TCAIM: variants seen among roughly 807,000 people sequenced by gnomAD.
TCAIM encodes the protein T-cell activation inhibitor, mitochondrial.
In TCAIM, 36 loss-of-function variants were observed where a neutral mutation model predicts 58.6. That is an observed-to-expected ratio of 0.61 (90% CI 0.47 to 0.81). TCAIM has a LOEUF of 0.81. TCAIM is among the 30% of genes least tolerant of loss of function. The probability of loss-of-function intolerance (pLI) is 0.00; values close to 1 mark genes in which losing one functional copy is unlikely to be tolerated. For synonymous variants in TCAIM, 172 were observed against 193.6 expected, an observed-to-expected ratio of 0.89 and a Z score of 0.93; for missense variants, 466 against 579.6, an observed-to-expected ratio of 0.80 and a Z score of 2.01.
At chr3:44,341,408 T>C (rs768653014) in intron 1 of TCAIM, 1 of 152,168 alleles carries the variant, frequency 6.6e-6, no homozygotes, top group Non-Finnish European at 1.5e-5. Flanking sequence ...TGTCTTCAAA[T>C]GGTAAAAGTA....
chr3:44,357,129 G>T (rs7429879), intron 2 of TCAIM, among the ~76,000 whole-genome samples: 1 of 151,938 alleles, frequency 6.6e-6, no homozygotes, highest in African/African-American at 2.4e-5. Flanking sequence ...ATTGAGCCAG[G>T]CATGGTGGCT....
At chr3:44,369,289 T>A (rs1023172751) in intron 5 of TCAIM, among the ~76,000 whole-genome samples, 2 of 152,238 alleles carry the variant, frequency 1.3e-5, no homozygotes, top group East Asian at 3.9e-4. Flanking sequence ...TGTGTCTAGA[T>A]GAACAAAAAG....
chr3:44,384,758 C>A (rs1701708561), intron 5 of TCAIM, among the ~76,000 whole-genome samples: 1 of 152,216 alleles, frequency 6.6e-6, no homozygotes, highest in African/African-American at 2.4e-5. Flanking sequence ...CTTTCTACCA[C>A]CAGTTTCTCT....
At chr3:44,390,182 T>G (rs1701812020) in intron 5 of TCAIM, among the ~76,000 whole-genome samples, 1 of 152,234 alleles carries the variant, frequency 6.6e-6, no homozygotes, top group Non-Finnish European at 1.5e-5. Flanking sequence ...GCATTCAATA[T>G]AAGTGTTTAA....
intron 5 of TCAIM, among the ~76,000 whole-genome samples, chr3:44,376,025 A>G (rs1701560140): frequency 6.6e-6 from 1 of 152,260 alleles, no homozygotes; most frequent in African/African-American, 2.4e-5. Context: ...ACTTACTACG[A>G]CATGGATGAA....
intron 1 of TCAIM, among the ~76,000 whole-genome samples, chr3:44,347,276 G>A (rs1481572017): frequency 2.0e-5 from 3 of 152,154 alleles, no homozygotes; most frequent in Non-Finnish European, 4.4e-5. Context: ...AAGATTTATA[G>A]GAGGGGCTAT....
chr3:44,344,399 T>TA (rs760299718), intron 1 of TCAIM, among the ~76,000 whole-genome samples: 3 of 152,168 alleles, frequency 2.0e-5, no homozygotes, highest in Non-Finnish European at 2.9e-5. Flanking sequence ...GATACTATCT[T>TA]AGTCTTCAGC....
intron 5 of TCAIM, among the ~76,000 whole-genome samples, chr3:44,380,108 CT>C (rs1701631932): frequency 6.6e-6 from 1 of 151,812 alleles, no homozygotes. Flanking sequence ...AGTAGTAAGA[CT>C]TTTAGGAGAA....
intron 6 of TCAIM, among the ~76,000 whole-genome samples, chr3:44,395,779 G>T (rs1448216519): frequency 6.6e-6 from 1 of 152,240 alleles, no homozygotes; most frequent in African/African-American, 2.4e-5. Flanking sequence ...GAGCCCAGGT[G>T]TTGAAGACCA....
chr3:44,349,388 CGTTTAGG>C (rs1559559677), intron 1 of TCAIM, among the ~76,000 whole-genome samples: 1 of 151,974 alleles, frequency 6.6e-6, no homozygotes, highest in African/African-American at 2.4e-5. Context: ...GAAAATAAGG[CGTTTAGG>C]TTTTAGGTTA....
chr3:44,369,795 A>G (rs1701435802), intron 5 of TCAIM, among the ~76,000 whole-genome samples: 1 of 152,226 alleles, frequency 6.6e-6, no homozygotes, highest in African/African-American at 2.4e-5. Flanking sequence ...TCATAGATTC[A>G]TAGAATCCAT....
At position 44,409,210 on chromosome 3, in the gene TCAIM, C is replaced by T. The variant is rs1702144895; in HGVS notation, c.*1528C>T. Reference sequence around the variant, plus strand: ...GTTTGTGTGTATCATCCCTTTTAACCGTGCCTAACAACTGTACTTAAATTT... The same window carrying T: ...GTTTGTGTGTATCATCCCTTTTAACTGTGCCTAACAACTGTACTTAAATTT... On this transcript the variant is annotated 3_prime_UTR_variant, in exon 11 of 11. Transcript: ENST00000342649. 6.6e-6 allele frequency: 1 copy of T among 152,234 alleles called. No individual in the cohort carries two copies. The allele number at this position is 152,234 out of a possible 1,614,324, so 9.4% of individuals were successfully genotyped here.
rs1396670379 is a variant in TCAIM, at chr3:44,346,300, G to A, written c.-45+7466G>A. ...GTCCATTATCGGACTGTATAGAGGT[G>A]GGAAGGCCAAACCAAGGAATTGTGT... On this transcript the variant is annotated intron_variant, in intron 1 of 10. Coordinates refer to ENST00000342649, the MANE Select transcript of TCAIM (RefSeq NM_173826.4). Among the ~76,000 whole-genome samples, 3 of 152,168 alleles carry A rather than the reference G, an allele frequency of 2.0e-5. No homozygotes were observed. The East Asian group carries it at 5.8e-4, about 29-fold the overall frequency.
At chr3:44,398,445 TTAGA>T (rs58163075) in intron 8 of TCAIM, among the ~76,000 whole-genome samples, 37,303 of 145,110 alleles carry the variant, frequency 0.26, 4,781 homozygotes, top group Middle Eastern at 0.37. Context: ...GATACAAAGA[TTAGA>T]TAGATAGATA....
intron 1 of TCAIM, chr3:44,340,060 C>T (rs908003495): frequency 6.6e-6 from 1 of 152,142 alleles, no homozygotes; most frequent in Non-Finnish European, 1.5e-5. Context: ...ACAGGAACCA[C>T]CTATGTAAGA....
At chr3:44,352,453 T>A (rs1701111206) in intron 1 of TCAIM, among the ~76,000 whole-genome samples, 3 of 152,208 alleles carry the variant, frequency 2.0e-5, no homozygotes, top group Non-Finnish European at 2.9e-5. Flanking sequence ...TTTATCTCCA[T>A]AGCTTGTTTT....
At chr3:44,388,983 A>G (rs1701788017) in intron 5 of TCAIM, among the ~76,000 whole-genome samples, 3 of 152,218 alleles carry the variant, frequency 2.0e-5, no homozygotes, top group African/African-American at 7.2e-5. Context: ...GCCAGGAAAC[A>G]TGTATCTTTA....
intron 5 of TCAIM, among the ~76,000 whole-genome samples, chr3:44,383,006 A>G (rs1232102312): frequency 6.6e-6 from 1 of 152,222 alleles, no homozygotes; most frequent in Non-Finnish European, 1.5e-5. Context: ...ATTAATCACT[A>G]GAGAAATGCA....
Position 44,367,661 on chromosome 3 carries a change from C to A in TCAIM, c.525C>A (p.Asp175Glu). 1 of 1,614,012 alleles carries A rather than the reference C, an allele frequency of 6.2e-7. No individual in the cohort carries two copies. Among genetic ancestry groups the A allele is most frequent in the East Asian group, 2.2e-5 (1 of 44,868 alleles). ...ATTACTCCTTTACTGGATTCAAGGA[C>A]CCTGATGAAGACCTTGAACAAGTCT... ...KSYYSFTGFK[D>E]PDEDLEQVSR... Residue 175 changes from aspartate to glutamate, a missense_variant, in exon 5 of 11, where the codon GAC becomes GAA. Coordinates refer to ENST00000342649, the MANE Select transcript of TCAIM (RefSeq NM_173826.4).
Sources: allele counts gnomAD v4.1 joint callset (sites outside exome capture counted in the v4.1 genomes callset), GRCh38; gene constraint gnomAD v4.1.1; transcripts MANE v1.5; gene names NCBI Gene and HGNC (gene_info 2026-07-23, HGNC 2026-07-21).